Variants in PYHIN1 observed in about 807,000 individuals in gnomAD.
The protein encoded by PYHIN1 is pyrin and HIN domain-containing protein 1.
In PYHIN1, 32 loss-of-function variants were observed where a neutral mutation model predicts 43.7. The observed-to-expected ratio is 0.73, with a 90% CI of 0.55 to 0.98. The LOEUF (loss-of-function observed/expected upper bound fraction) is 0.98. PYHIN1 is among the 50% of genes least tolerant of loss of function. The probability of loss-of-function intolerance (pLI) is 0.00; values close to 1 mark genes in which losing one functional copy is unlikely to be tolerated. For synonymous variants in PYHIN1, 205 were observed against 203.1 expected (o/e 1.01, Z -0.08); for missense variants, 588 against 589.5 (o/e 1.00, Z 0.03).
intron 7 of PYHIN1, among the ~76,000 whole-genome samples, chr1:158,946,094 G>A (rs1176723922): frequency 6.6e-6 from 1 of 152,174 alleles, no homozygotes; most frequent in Non-Finnish European, 1.5e-5. Flanking sequence ...ACAAATTTCA[G>A]AATTGACAGT....
At chr1:158,956,344 C>G (rs369410258) in intron 7 of PYHIN1, among the ~76,000 whole-genome samples, 19 of 152,142 alleles carry the variant, frequency 1.2e-4, no homozygotes, top group African/African-American at 4.6e-4. Context: ...CATTGATGCA[C>G]AAATCCTCAA....
At chr1:158,947,223 T>G (rs1649271340) in intron 7 of PYHIN1, among the ~76,000 whole-genome samples, 2 of 152,184 alleles carry the variant, frequency 1.3e-5, no homozygotes, top group African/African-American at 4.8e-5. Context: ...TGTCTTTTGG[T>G]GTTTACAAAG....
chr1:158,977,959 A>G (rs945653573), downstream of PYHIN1, among the ~76,000 whole-genome samples: 1 of 152,112 alleles, frequency 6.6e-6, no homozygotes, highest in Non-Finnish European at 1.5e-5. Flanking sequence ...TCACCCTTAA[A>G]ATTATGAAAA....
chr1:158,943,891 A>C lies in PYHIN1; in HGVS notation c.1104A>C (p.Lys368Asn). ...AATGCCACAATATCCCCTGTGAAAAAGGAGATAAGCTTCGACTCTTCTGCT... is the reference window on the plus strand; with the variant it reads ...AATGCCACAATATCCCCTGTGAAAACGGAGATAAGCTTCGACTCTTCTGCT... ...KGECHNIPCE[K>N]GDKLRLFCFR... Residue 368 changes from lysine to asparagine, a missense_variant, in exon 6 of 9, where the codon AAA becomes AAC. By Grantham distance (94) the Lys-to-Asn change is moderately conservative (BLOSUM62 0). Coordinates refer to ENST00000368140, the MANE Select transcript of PYHIN1 (RefSeq NM_152501.5). The C allele has an allele frequency of 1.2e-6, 2 of 1,610,048 alleles. No individual in the cohort carries two copies. The highest frequency in any genetic ancestry group is 1.7e-6 in the Non-Finnish European group (2 of 1,177,122).
intron 4 of PYHIN1, chr1:158,939,533 A>C: frequency 1.3e-6 from 2 of 1,548,886 alleles, no homozygotes; most frequent in Non-Finnish European, 1.7e-6. Context: ...GCCCCCATCT[A>C]TTATACACCC....
chr1:158,973,649 G>T lies in PYHIN1; in HGVS notation c.1362G>T (p.Lys454Asn). Residue 454 changes from lysine to asparagine, a missense_variant and splice_region_variant, in exon 8 of 9, where the codon AAG becomes AAT. Coordinates refer to ENST00000368140, the MANE Select transcript of PYHIN1 (RefSeq NM_152501.5). Reference sequence around the variant, plus strand: ...ATTACCCAAATTTATGACTCCAGAAGGATGAAACCCACCCAGGAGCACAGT... The same window carrying T: ...ATTACCCAAATTTATGACTCCAGAATGATGAAACCCACCCAGGAGCACAGT... Reference protein sequence around the residue: ...TTPSSSSFTKKDETHPGAQSS... With the variant: ...TTPSSSSFTKNDETHPGAQSS... The T allele has an allele frequency of 6.2e-7, 1 of 1,612,824 alleles. No homozygotes were observed. Among genetic ancestry groups the T allele is most frequent in the Non-Finnish European group, 8.5e-7 (1 of 1,179,280 alleles).
Position 158,976,868 on chromosome 1 carries a change from CTATATATATATATA to C in PYHIN1, c.*208_*221del, listed in dbSNP as rs145640162. The C allele has an allele frequency of 1.4e-3, 315 of 232,096 alleles. 4 individuals carry two copies. Among genetic ancestry groups the C allele is most frequent in the African/African-American group, 5.5e-3 (190 of 34,496 alleles). The allele number at this position is 232,096 out of a possible 1,614,324, so 14.4% of individuals were successfully genotyped here. ...TATGTATATATATCTGGTTGAAATA[CTATATATATATATA>C]TATATATATATATATATATATATAT... is the stretch of plus-strand genomic sequence containing the variant. On this transcript the variant is annotated 3_prime_UTR_variant, in exon 9 of 9. Coordinates refer to ENST00000368140, the MANE Select transcript of PYHIN1 (RefSeq NM_152501.5).
At chr1:158,951,133 G>A (rs886528994) in intron 7 of PYHIN1, among the ~76,000 whole-genome samples, 1 of 152,152 alleles carries the variant, frequency 6.6e-6, no homozygotes, top group African/African-American at 2.4e-5. Context: ...TCTGGGCATT[G>A]TAGGATAATT....
intron 7 of PYHIN1, among the ~76,000 whole-genome samples, chr1:158,971,784 A>G (rs955372475): frequency 3.3e-5 from 5 of 151,942 alleles, no homozygotes; most frequent in Admixed American, 6.6e-5. Context: ...TGCTTGACCA[A>G]GTTAGCCTAG....
chr1:158,936,525 T>A (rs1648551645), intron 1 of PYHIN1, among the ~76,000 whole-genome samples: 1 of 152,104 alleles, frequency 6.6e-6, no homozygotes, highest in Non-Finnish European at 1.5e-5. Flanking sequence ...ATCCCTGGGA[T>A]GCAAGGCTGG....
chr1:158,962,891 C>T (rs781109562), intron 7 of PYHIN1, among the ~76,000 whole-genome samples: 11 of 152,150 alleles, frequency 7.2e-5, no homozygotes, highest in African/African-American at 2.2e-4. Flanking sequence ...CCCACTGCAA[C>T]GGCCACAGCA....
At chr1:158,987,373 C>A in the PYHIN1 span, among the ~76,000 whole-genome samples, 1 of 152,046 alleles carries the variant, frequency 6.6e-6, no homozygotes, top group African/African-American at 2.4e-5. Context: ...GGAGAAATTT[C>A]CTATTCAGAG....
intron 7 of PYHIN1, among the ~76,000 whole-genome samples, chr1:158,947,342 G>T (rs967647711): frequency 2.0e-5 from 3 of 152,178 alleles, no homozygotes; most frequent in African/African-American, 2.4e-5. Context: ...ATGAATACAA[G>T]AATGTGTTCA....
At chr1:158,983,410 T>G in the PYHIN1 span, among the ~76,000 whole-genome samples, 1 of 152,172 alleles carries the variant, frequency 6.6e-6, no homozygotes, top group Non-Finnish European at 1.5e-5. Flanking sequence ...GTGATTTTTG[T>G]TTTTAGTTCT....
chr1:158,990,575 T>C, the PYHIN1 span, among the ~76,000 whole-genome samples: 1 of 152,178 alleles, frequency 6.6e-6, no homozygotes, highest in Admixed American at 6.5e-5. Flanking sequence ...ATTTCATCTT[T>C]AGCTATAGTC....
chr1:158,980,122 C>T (rs931178782), downstream of PYHIN1, among the ~76,000 whole-genome samples: 9 of 152,104 alleles, frequency 5.9e-5, no homozygotes, highest in Admixed American at 2.6e-4. Context: ...AGCAGAGGAA[C>T]ATAAATTGTG....
chr1:158,964,931 TCA>T (rs1301773259), intron 7 of PYHIN1, among the ~76,000 whole-genome samples: 1 of 152,056 alleles, frequency 6.6e-6, no homozygotes, highest in East Asian at 1.9e-4. Flanking sequence ...CACTTAAAAG[TCA>T]CAGAGTGGCA....
intron 7 of PYHIN1, among the ~76,000 whole-genome samples, chr1:158,961,548 A>G (rs1181702066): frequency 2.0e-5 from 3 of 152,010 alleles, no homozygotes; most frequent in Non-Finnish European, 4.4e-5. Flanking sequence ...AACTTTACCC[A>G]TGGAGAATAG....
Position 158,933,424 on chromosome 1 carries a change from A to C in PYHIN1, c.-21+1648A>C, listed in dbSNP as rs1212395104. 6.6e-6 allele frequency among the ~76,000 whole-genome samples: 1 copy of C among 151,804 alleles called. No homozygotes were observed. Among genetic ancestry groups the C allele is most frequent in the Non-Finnish European group, 1.5e-5 (1 of 67,860 alleles). On this transcript the variant is annotated intron_variant, in intron 1 of 8. Transcript: ENST00000368140. This position sits in a 1 kb window ranked among gnomAD's most constrained non-coding sequence, Gnocchi z 6.3. Reference sequence around the variant, plus strand: ...AACCTTTTACCATGTGGTATCTGATAATACTCTTTGTCTTAAGATCTTTTA... The same window carrying C: ...AACCTTTTACCATGTGGTATCTGATCATACTCTTTGTCTTAAGATCTTTTA...
Sources: allele counts gnomAD v4.1 joint callset (sites outside exome capture counted in the v4.1 genomes callset), GRCh38; gene constraint gnomAD v4.1.1; non-coding constraint Gnocchi (gnomAD v3.1); transcripts MANE v1.5; gene names NCBI Gene and HGNC (gene_info 2026-07-23, HGNC 2026-07-21).